The following AKAP19 variants were observed in gnomAD, a reference collection of about 807,000 sequenced individuals.
The protein encoded by AKAP19 is A-kinase anchoring protein 19.
the AKAP19 span, among the ~76,000 whole-genome samples, chr2:189,925,812 T>C: frequency 6.6e-6 from 1 of 151,474 alleles, no homozygotes; most frequent in Non-Finnish European, 1.5e-5. Flanking sequence ...AGAAGCAGAG[T>C]AGAGAGAGAA....
At chr2:189,881,786 T>TA in the AKAP19 span, among the ~76,000 whole-genome samples, 1 of 152,128 alleles carries the variant, frequency 6.6e-6, no homozygotes, top group African/African-American at 2.4e-5. Flanking sequence ...TAGAAAATAA[T>TA]AAAAATTGAA....
the AKAP19 span, among the ~76,000 whole-genome samples, chr2:189,931,181 G>A: frequency 7.6e-6 from 1 of 130,952 alleles, no homozygotes; most frequent in African/African-American, 2.5e-5. Context: ...ACTTGAAACA[G>A]TTATGGTGGT....
At chr2:190,171,763 G>A in the AKAP19 span, among the ~76,000 whole-genome samples, 2 of 152,142 alleles carry the variant, frequency 1.3e-5, no homozygotes, top group East Asian at 1.9e-4. Flanking sequence ...CCCACAAATA[G>A]ACTAAGTTTA....
the AKAP19 span, among the ~76,000 whole-genome samples, chr2:190,093,703 G>A: frequency 1.3e-5 from 2 of 151,988 alleles, no homozygotes; most frequent in African/African-American, 2.4e-5. Context: ...TGATCTCTTC[G>A]CTTTCATTCA....
chr2:190,109,354 C>T, the AKAP19 span, among the ~76,000 whole-genome samples: 1 of 149,290 alleles, frequency 6.7e-6, no homozygotes, highest in Non-Finnish European at 1.5e-5. Context: ...ATTTTCTCAG[C>T]TTTTTTTTTT....
At chr2:190,200,149 G>A in the AKAP19 span, 9 of 1,612,714 alleles carry the variant, frequency 5.6e-6, no homozygotes, top group Non-Finnish European at 6.8e-6. Flanking sequence ...GGGGCCTTGA[G>A]GCTGTAGGAT....
At chr2:190,016,137 A>G in the AKAP19 span, among the ~76,000 whole-genome samples, 1 of 152,138 alleles carries the variant, frequency 6.6e-6, no homozygotes, top group Non-Finnish European at 1.5e-5. Flanking sequence ...TCTCTTCCAC[A>G]TTTCTAACTA....
chr2:190,000,946 A>G, the AKAP19 span, among the ~76,000 whole-genome samples: 5 of 152,220 alleles, frequency 3.3e-5, no homozygotes, highest in African/African-American at 1.2e-4. Context: ...GACTCCCATT[A>G]CATGTATATT....
the AKAP19 span, among the ~76,000 whole-genome samples, chr2:190,086,019 G>C: frequency 6.6e-6 from 1 of 152,174 alleles, no homozygotes; most frequent in Non-Finnish European, 1.5e-5. Context: ...GCCTTTCTAG[G>C]CATAGGTTAG....
the AKAP19 span, among the ~76,000 whole-genome samples, chr2:190,172,732 A>G: frequency 2.0e-5 from 3 of 152,238 alleles, no homozygotes; most frequent in Non-Finnish European, 4.4e-5. Context: ...AAGTTCTAGC[A>G]CATATTAACA....
the AKAP19 span, among the ~76,000 whole-genome samples, chr2:190,023,096 T>C: frequency 2.0e-5 from 3 of 152,312 alleles, no homozygotes; most frequent in Admixed American, 2.0e-4. Context: ...TGATATTTCA[T>C]TTTATGTTTA....
chr2:190,115,260 CATATATATATATATATATATATATAT>C, the AKAP19 span, among the ~76,000 whole-genome samples: 208 of 11,158 alleles, frequency 0.019, 3 homozygotes, highest in Admixed American at 0.026. Context: ...AGGCAAGAAG[CATATATATATATATATATATATATAT>C]ATATATATAT....
chr2:190,141,961 G>T, the AKAP19 span, among the ~76,000 whole-genome samples: 5 of 152,210 alleles, frequency 3.3e-5, no homozygotes, highest in Non-Finnish European at 5.9e-5. Flanking sequence ...GGAAGGAAAG[G>T]TGAGGTCTGG....
At chr2:190,066,826 T>A in the AKAP19 span, among the ~76,000 whole-genome samples, 1 of 152,210 alleles carries the variant, frequency 6.6e-6, no homozygotes, top group Non-Finnish European at 1.5e-5. Flanking sequence ...TATGTGTGAA[T>A]TCATGTATTA....
chr2:189,976,017 C>T, the AKAP19 span, among the ~76,000 whole-genome samples: 1 of 152,210 alleles, frequency 6.6e-6, no homozygotes, highest in African/African-American at 2.4e-5. Context: ...TGTTCCATTG[C>T]TGGTGAGAAG....
At chr2:190,166,477 G>A in the AKAP19 span, among the ~76,000 whole-genome samples, 1 of 151,574 alleles carries the variant, frequency 6.6e-6, no homozygotes, top group South Asian at 2.1e-4. Context: ...CAGGAGAACT[G>A]TTTAAAAACT....
At chr2:190,055,179 G>A in the AKAP19 span, among the ~76,000 whole-genome samples, 1 of 152,030 alleles carries the variant, frequency 6.6e-6, no homozygotes, top group Non-Finnish European at 1.5e-5. Flanking sequence ...TCCTTTGTAG[G>A]GACATGGATG....
the AKAP19 span, among the ~76,000 whole-genome samples, chr2:190,027,954 T>C: frequency 2.0e-5 from 3 of 152,212 alleles, no homozygotes; most frequent in Non-Finnish European, 4.4e-5. Flanking sequence ...CAAGGCATTA[T>C]AGAATTTTGA....
At chr2:190,047,849 A>T in the AKAP19 span, among the ~76,000 whole-genome samples, 1 of 152,134 alleles carries the variant, frequency 6.6e-6, no homozygotes, top group Non-Finnish European at 1.5e-5. Flanking sequence ...GGGGGAAAGG[A>T]TGTGTAAATT....
Sources: gnomAD v4.1 joint callset for allele counts (sites outside exome capture counted in the v4.1 genomes callset) on GRCh38, gnomAD v4.1.1 for gene constraint, MANE v1.5 for transcripts, NCBI Gene and HGNC (gene_info 2026-07-23, HGNC 2026-07-21) for gene names.